Variants in DAPK1 observed in about 807,000 individuals in gnomAD.
DAPK1 encodes death-associated protein kinase 1.
In DAPK1, 56 loss-of-function variants were observed where a neutral mutation model predicts 144.9. The ratio of observed to expected loss-of-function variants is 0.39; its 90% CI spans 0.31 to 0.48. The LOEUF (loss-of-function observed/expected upper bound fraction) is 0.48, where lower values mean the gene tolerates loss of function less well. Among genes scored for constraint, DAPK1 ranks in the 20% least tolerant of loss-of-function variants. The probability of loss-of-function intolerance (pLI) is 0.95; values close to 1 mark genes in which losing one functional copy is unlikely to be tolerated. For synonymous variants in DAPK1, 690 were observed against 749.0 expected (o/e 0.92, Z 1.29); for missense variants, 1,454 against 1,875.4 (o/e 0.78, Z 4.15).
intron 2 of DAPK1, among the ~76,000 whole-genome samples, chr9:87,565,862 A>G (rs1827102178): frequency 6.6e-6 from 1 of 152,018 alleles, no homozygotes; most frequent in African/African-American, 2.4e-5. Flanking sequence ...GTATTATCTC[A>G]TTTCATTCTT....
intron 25 of DAPK1, among the ~76,000 whole-genome samples, chr9:87,703,915 A>G (rs776535221): frequency 3.3e-5 from 5 of 152,218 alleles, no homozygotes; most frequent in Admixed American, 6.5e-5. Flanking sequence ...GGGAGCCTAC[A>G]TGAACTAGTG....
chr9:87,543,915 T>C (rs1257988898), intron 2 of DAPK1, among the ~76,000 whole-genome samples: 1 of 152,180 alleles, frequency 6.6e-6, no homozygotes, highest in East Asian at 1.9e-4. Context: ...TGGCCTTAAT[T>C]AGCAGTCTGT....
At chr9:87,513,138 G>T (rs1424614869) in intron 2 of DAPK1, among the ~76,000 whole-genome samples, 1 of 152,136 alleles carries the variant, frequency 6.6e-6, no homozygotes, top group Non-Finnish European at 1.5e-5. Flanking sequence ...CTATAAACAG[G>T]TACCATAAAT....
intron 3 of DAPK1, among the ~76,000 whole-genome samples, chr9:87,620,594 G>GGGAGAGGGGAGGAA (rs1425351442): frequency 1.3e-5 from 2 of 151,526 alleles, no homozygotes; most frequent in African/African-American, 4.9e-5. Context: ...GAGGGGAGGA[G>GGGAGAGGGGAGGAA]GAAGGGGAGG....
chr9:87,529,676 T>TACGTGGAATGCAGTGG (rs1489781948), intron 2 of DAPK1, among the ~76,000 whole-genome samples: 5 of 152,292 alleles, frequency 3.3e-5, no homozygotes, highest in African/African-American at 4.8e-5. Flanking sequence ...GCTTTAACAG[T>TACGTGGAATGCAGTGG]ACGTGGAATG....
At chr9:87,580,400 T>C (rs966491570) in intron 2 of DAPK1, among the ~76,000 whole-genome samples, 1 of 152,210 alleles carries the variant, frequency 6.6e-6, no homozygotes, top group African/African-American at 2.4e-5. Flanking sequence ...TTTCCAGAGA[T>C]GGCAACTGGA....
chr9:87,672,604 G>C (rs1824212401), intron 19 of DAPK1, among the ~76,000 whole-genome samples: 1 of 152,146 alleles, frequency 6.6e-6, no homozygotes, highest in African/African-American at 2.4e-5. Flanking sequence ...TGTTCAAGGA[G>C]TCCCTGGAAT....
chr9:87,515,017 A>T (rs1226739193), intron 2 of DAPK1, among the ~76,000 whole-genome samples: 2 of 152,238 alleles, frequency 1.3e-5, no homozygotes, highest in African/African-American at 4.8e-5. Context: ...GAGTCCAAAG[A>T]AGGCAAAAGC....
chr9:87,539,522 C>T (rs929949614), intron 2 of DAPK1, among the ~76,000 whole-genome samples: 8 of 144,600 alleles, frequency 5.5e-5, no homozygotes, highest in East Asian at 2.0e-4. Flanking sequence ...CTCTGCCTTC[C>T]GAGTTCAAGT....
chr9:87,620,957 A>C (rs1287359118), intron 3 of DAPK1, among the ~76,000 whole-genome samples: 1 of 152,166 alleles, frequency 6.6e-6, no homozygotes, highest in Admixed American at 6.5e-5. Flanking sequence ...GGCTGAAGCC[A>C]TTAAAGCAAC....
intron 2 of DAPK1, among the ~76,000 whole-genome samples, chr9:87,523,017 T>A (rs1159481370): frequency 6.6e-6 from 1 of 152,246 alleles, no homozygotes; most frequent in Non-Finnish European, 1.5e-5. Flanking sequence ...ACATCTTTTC[T>A]CTAGGTTGTC....
chr9:87,571,517 ACACACACACAC>A (rs1827357858), intron 2 of DAPK1, among the ~76,000 whole-genome samples: 16 of 138,182 alleles, frequency 1.2e-4, no homozygotes, highest in East Asian at 2.2e-4. Context: ...ACACACACAC[ACACACACACAC>A]CAGAAGCGAA....
At chr9:87,504,442 T>C (rs1438731603) in intron 2 of DAPK1, among the ~76,000 whole-genome samples, 2 of 152,072 alleles carry the variant, frequency 1.3e-5, no homozygotes, top group African/African-American at 4.8e-5. Context: ...CAAATTTAGG[T>C]TCAAGGGGGC....
chr9:87,570,701 T>TA, intron 2 of DAPK1, among the ~76,000 whole-genome samples: 1 of 152,360 alleles, frequency 6.6e-6, no homozygotes, highest in South Asian at 2.1e-4. Context: ...TCATCATTCA[T>TA]AGCAGTGATT....
chr9:87,641,048 G>A (rs1288794226), intron 9 of DAPK1, among the ~76,000 whole-genome samples: 2 of 152,126 alleles, frequency 1.3e-5, no homozygotes, highest in African/African-American at 2.4e-5. Context: ...AGGAATAAGC[G>A]AGCACAGAGC....
Position 87,673,737 on chromosome 9 carries a change from A to T in DAPK1, c.2001+5063A>T, listed in dbSNP as rs919330290. Among the ~76,000 whole-genome samples, 5 of 152,176 alleles carry T rather than the reference A, an allele frequency of 3.3e-5. 1 individual carries two copies. The highest frequency in any genetic ancestry group is 3.3e-4 in the Admixed American group (5 of 15,286). ...TGTTTTCCCAACCTGGTGACATCACATGGGAGTCTTGAAATCAGCCAGGGA... is the reference window on the plus strand; with the variant it reads ...TGTTTTCCCAACCTGGTGACATCACTTGGGAGTCTTGAAATCAGCCAGGGA... On this transcript the variant is annotated intron_variant, in intron 19 of 25. Transcript: ENST00000408954.
chr9:87,659,286 G>C (rs987319662), intron 18 of DAPK1, among the ~76,000 whole-genome samples: 6 of 152,136 alleles, frequency 3.9e-5, no homozygotes, highest in African/African-American at 1.4e-4. Context: ...CTCCGCATGG[G>C]GTGAGGCCCC....
chr9:87,563,713 A>T (rs1827014431), intron 2 of DAPK1, among the ~76,000 whole-genome samples: 2 of 152,210 alleles, frequency 1.3e-5, no homozygotes, highest in African/African-American at 4.8e-5. Flanking sequence ...TCAGCCCACC[A>T]GCCAGCACCT....
intron 2 of DAPK1, among the ~76,000 whole-genome samples, chr9:87,555,238 G>A (rs976985867): frequency 6.6e-6 from 1 of 152,194 alleles, no homozygotes; most frequent in Non-Finnish European, 1.5e-5. Context: ...TCCCGTTAGG[G>A]CATTTCCATA....
Sources: allele counts gnomAD v4.1 joint callset (sites outside exome capture counted in the v4.1 genomes callset), GRCh38; gene constraint gnomAD v4.1.1; transcripts MANE v1.5; gene names NCBI Gene and HGNC (gene_info 2026-07-23, HGNC 2026-07-21).